The following PCDH15 variants were observed in gnomAD, a reference collection of about 807,000 sequenced individuals.
PCDH15 encodes the protein protocadherin-15.
Under a neutral mutation model 178.5 loss-of-function variants are expected in PCDH15, and 129 were observed. That is an observed-to-expected ratio of 0.72 (90% confidence interval 0.63 to 0.84). PCDH15 has a LOEUF of 0.84. Ranked by LOEUF, PCDH15 falls within the 40% of genes least tolerant of loss-of-function variation. PCDH15 has a pLI of 0.00. For synonymous variants in PCDH15, 800 were observed against 732.0 expected (o/e 1.09, Z -1.50); for missense variants, 2,230 against 2,099.9 (o/e 1.06, Z -1.21).
chr10:54,060,014 C>T (rs2135731533), intron 18 of PCDH15, among the ~76,000 whole-genome samples: 1 of 152,152 alleles, frequency 6.6e-6, no homozygotes, highest in East Asian at 1.9e-4. Flanking sequence ...GATGAATAAA[C>T]AAAAATACAA....
At chr10:54,869,692 C>T (rs945350478) in intron 3 of PCDH15, among the ~76,000 whole-genome samples, 2 of 152,102 alleles carry the variant, frequency 1.3e-5, no homozygotes, top group African/African-American at 4.8e-5. Flanking sequence ...AAATAAATGT[C>T]ACAGTGCCTG....
chr10:53,972,509 G>A (rs2089808493), intron 21 of PCDH15, among the ~76,000 whole-genome samples: 1 of 152,124 alleles, frequency 6.6e-6, no homozygotes, highest in African/African-American at 2.4e-5. Flanking sequence ...GCAACCTACA[G>A]AATGGGAGAA....
chr10:55,579,163 A>G (rs367782330), intron 2 of PCDH15, among the ~76,000 whole-genome samples: 19 of 152,232 alleles, frequency 1.2e-4, no homozygotes, highest in East Asian at 1.2e-3. Flanking sequence ...TACTGAATTT[A>G]GAATTTCAAA....
chr10:54,960,448 G>T (rs929567116), intron 2 of PCDH15, among the ~76,000 whole-genome samples: 2 of 152,010 alleles, frequency 1.3e-5, no homozygotes, highest in African/African-American at 4.8e-5. Flanking sequence ...TTTCACAAAG[G>T]TGCCTATAGG....
chr10:54,326,853 A>T (rs1425450848), intron 7 of PCDH15, among the ~76,000 whole-genome samples: 2 of 152,178 alleles, frequency 1.3e-5, no homozygotes, highest in African/African-American at 4.8e-5. Flanking sequence ...TAAAACTTTT[A>T]AAAATGCTTA....
chr10:55,029,334 G>A (rs1425983949), intron 2 of PCDH15, among the ~76,000 whole-genome samples: 1 of 151,780 alleles, frequency 6.6e-6, no homozygotes, highest in African/African-American at 2.4e-5. Flanking sequence ...ATATGAATAT[G>A]CATGTATATA....
At chr10:53,913,884 C>A (rs1417434104) in intron 25 of PCDH15, among the ~76,000 whole-genome samples, 1 of 152,094 alleles carries the variant, frequency 6.6e-6, no homozygotes, top group African/African-American at 2.4e-5. Context: ...GGCTAACATC[C>A]AGAATCTACA....
intron 1 of PCDH15, among the ~76,000 whole-genome samples, chr10:54,713,308 A>G (rs1295896033): frequency 6.6e-6 from 1 of 152,116 alleles, no homozygotes; most frequent in Admixed American, 6.6e-5. Context: ...ATTCTTCAAC[A>G]AAATTAAATT....
chr10:55,512,685 T>C (rs756934795), intron 2 of PCDH15, among the ~76,000 whole-genome samples: 8 of 152,094 alleles, frequency 5.3e-5, no homozygotes, highest in Non-Finnish European at 1.2e-4. Context: ...AATGTAAAGA[T>C]TGTTTTCTAG....
At chr10:55,071,999 T>C (rs1476791297) in intron 2 of PCDH15, among the ~76,000 whole-genome samples, 1 of 152,008 alleles carries the variant, frequency 6.6e-6, no homozygotes, top group Non-Finnish European at 1.5e-5. Flanking sequence ...GAATGACTAC[T>C]GGGTACCTAA....
intron 2 of PCDH15, among the ~76,000 whole-genome samples, chr10:54,574,205 A>G (rs552000796): frequency 9.9e-5 from 15 of 151,248 alleles, no homozygotes; most frequent in Non-Finnish European, 1.9e-4. Context: ...TTTTTGTATA[A>G]GGTGTAAGGA....
intron 1 of PCDH15, among the ~76,000 whole-genome samples, chr10:55,294,135 A>G (rs1367562365): frequency 6.6e-6 from 1 of 152,112 alleles, no homozygotes; most frequent in East Asian, 1.9e-4. Context: ...GCAAAGAGAG[A>G]GCTTGTGCTG....
intron 1 of PCDH15, among the ~76,000 whole-genome samples, chr10:54,740,564 A>C (rs1351245105): frequency 6.6e-6 from 1 of 151,958 alleles, no homozygotes; most frequent in Admixed American, 6.6e-5. Context: ...TCCACAAAAA[A>C]TCTGCAGTCT....
rs34423359 is a variant in PCDH15 at position 55,125,163 on chromosome 10, TTGTG to T, written c.-80+41409_-80+41412del. ...GGATACTTTTTGAATTTTTTTTTAA[TTGTG>T]TGTGTGTGTGTGTGTGTGTGTGTGT... On this transcript the variant is annotated intron_variant, in intron 2 of 5. Coordinates refer to the PCDH15 transcript ENST00000458638. 3.5e-3 allele frequency among the ~76,000 whole-genome samples: 495 copies of T among 143,076 alleles called. 5 individuals are homozygous for T. The highest frequency in any genetic ancestry group is 0.01 in the African/African-American group (394 of 38,598). 93.9% of individuals were successfully genotyped at this position (143,076 alleles called of 152,430 possible). A position where few individuals can be genotyped will look rare whatever the true frequency, so the allele number is the denominator to read the frequency against.
At chr10:54,768,722 T>C (rs60348826) in intron 1 of PCDH15, among the ~76,000 whole-genome samples, 4,096 of 152,268 alleles carry the variant, frequency 0.027, 167 homozygotes, top group African/African-American at 0.092. Flanking sequence ...AATCCCTCTA[T>C]GCTTTATTAT....
chr10:55,095,452 G>T (rs1842426002), intron 2 of PCDH15, among the ~76,000 whole-genome samples: 1 of 151,136 alleles, frequency 6.6e-6, no homozygotes, highest in African/African-American at 2.4e-5. Flanking sequence ...TTTGTATTTG[G>T]GTTGTTACTT....
intron 2 of PCDH15, among the ~76,000 whole-genome samples, chr10:55,347,611 C>T (rs1844797805): frequency 6.6e-6 from 1 of 152,186 alleles, no homozygotes; most frequent in Non-Finnish European, 1.5e-5. Context: ...AAATTAATTA[C>T]CCTAGGGCAT....
At chr10:54,384,705 AT>A (rs916866555) in intron 3 of PCDH15, among the ~76,000 whole-genome samples, 5 of 152,172 alleles carry the variant, frequency 3.3e-5, no homozygotes, top group Non-Finnish European at 7.4e-5. Flanking sequence ...TAGAACTTTA[AT>A]CACAGAACAA....
chr10:54,386,693 C>T (rs1394780834), intron 3 of PCDH15, among the ~76,000 whole-genome samples: 1 of 151,958 alleles, frequency 6.6e-6, no homozygotes, highest in Non-Finnish European at 1.5e-5. Flanking sequence ...TACAAATAAT[C>T]AATAAACACA....
Sources: allele counts gnomAD v4.1 joint callset (sites outside exome capture counted in the v4.1 genomes callset), GRCh38; gene constraint gnomAD v4.1.1; transcripts MANE v1.5; gene names NCBI Gene and HGNC (gene_info 2026-07-23, HGNC 2026-07-21).